Variants in BTD observed in about 807,000 individuals in gnomAD.
The protein encoded by BTD is biotinidase.
A neutral mutation model predicts 17.7 loss-of-function variants in BTD; 13 were observed. That is an observed-to-expected ratio of 0.74 (90% CI 0.48 to 1.17). The LOEUF is 1.17. Ranked by LOEUF, BTD falls within the 50% of genes most tolerant of loss-of-function variation. The pLI is 0.00. For synonymous variants in BTD, 240 were observed against 245.2 expected, an observed-to-expected ratio of 0.98 and a Z score of 0.20; for missense variants, 674 against 650.4, an observed-to-expected ratio of 1.04 and a Z score of -0.39.
At chr3:15,663,213 C>T (rs1401715334) in intron 3 of BTD, among the ~76,000 whole-genome samples, 3 of 152,136 alleles carry the variant, frequency 2.0e-5, no homozygotes, top group African/African-American at 4.8e-5. Context: ...AGGCTGGTCT[C>T]GAACTCCTCA....
chr3:15,640,725 A>C (rs187632158), intron 2 of BTD, among the ~76,000 whole-genome samples: 8 of 152,258 alleles, frequency 5.3e-5, no homozygotes, highest in South Asian at 2.1e-4. Flanking sequence ...GGAAGTCAAG[A>C]TGTAAAACCA....
intron 3 of BTD, among the ~76,000 whole-genome samples, chr3:15,702,471 A>T (rs2070756215): frequency 6.6e-6 from 1 of 152,270 alleles, no homozygotes; most frequent in African/African-American, 2.4e-5. Flanking sequence ...GAAATAAAAT[A>T]TATACACAAA....
chr3:15,603,053 A>G (rs1035484211), intron 1 of BTD, among the ~76,000 whole-genome samples: 1 of 152,100 alleles, frequency 6.6e-6, no homozygotes, highest in African/African-American at 2.4e-5. Context: ...ATCTCATGAG[A>G]CTTACTATCA....
intron 3 of BTD, chr3:15,685,532 T>C: frequency 1.8e-6 from 2 of 1,130,054 alleles, no homozygotes; most frequent in Non-Finnish European, 2.6e-6. Flanking sequence ...TTAAAGACCA[T>C]ACTCTCCATA....
intron 1 of BTD, among the ~76,000 whole-genome samples, chr3:15,605,153 A>C (rs2064408381): frequency 6.6e-6 from 1 of 152,232 alleles, no homozygotes; most frequent in Admixed American, 6.5e-5. Flanking sequence ...CTATGAAGAA[A>C]TACTCAAAAC....
downstream of BTD, among the ~76,000 whole-genome samples, chr3:15,656,200 C>T (rs1370358416): frequency 6.6e-6 from 1 of 152,090 alleles, no homozygotes. Flanking sequence ...GTTTTCAAAC[C>T]TCAACTTTTC....
intron 1 of BTD, among the ~76,000 whole-genome samples, chr3:15,630,317 TACTC>T (rs2065174689): frequency 6.6e-6 from 1 of 152,226 alleles, no homozygotes; most frequent in Non-Finnish European, 1.5e-5. Context: ...GGGTTAATGA[TACTC>T]AGTTTGTCCA....
At chr3:15,702,974 T>C (rs1209693059) in intron 3 of BTD, among the ~76,000 whole-genome samples, 1 of 152,222 alleles carries the variant, frequency 6.6e-6, no homozygotes, top group Non-Finnish European at 1.5e-5. Flanking sequence ...GACTAGTATC[T>C]CCATTTCACA....
chr3:15,677,149 G>T, intron 3 of BTD: 1 of 963,874 alleles, frequency 1.0e-6, no homozygotes, highest in Non-Finnish European at 1.6e-6. Flanking sequence ...CATATATTAT[G>T]TACAACACCA....
chr3:15,633,080 A>G (rs2471806), intron 1 of BTD, among the ~76,000 whole-genome samples: 40,042 of 152,026 alleles, frequency 0.26, 5,439 homozygotes, highest in African/African-American at 0.3. Flanking sequence ...GTACACTTTA[A>G]ATCATCTCTA....
chr3:15,654,256 G>C (rs1180667461), downstream of BTD, among the ~76,000 whole-genome samples: 1 of 152,230 alleles, frequency 6.6e-6, no homozygotes, highest in Non-Finnish European at 1.5e-5. Flanking sequence ...TGGAGTCAGG[G>C]GAGAGGGCAT....
At chr3:15,691,649 G>C (rs957518968) in intron 3 of BTD, among the ~76,000 whole-genome samples, 1 of 152,172 alleles carries the variant, frequency 6.6e-6, no homozygotes, top group Admixed American at 6.5e-5. Context: ...TCTTTATAAT[G>C]AATCTGTGTA....
chr3:15,645,758 A>G lies in BTD; in HGVS notation c.*270A>G. ...CACATCTTCCTCTAACAAATCTCTC[A>G]GTATGCGATTGGTCTCAAGCTAAAA... is the stretch of plus-strand genomic sequence containing the variant. On this transcript the variant is annotated 3_prime_UTR_variant, in exon 4 of 4. Coordinates refer to ENST00000643237, the MANE Select transcript of BTD (RefSeq NM_001370658.1). The G allele has an allele frequency of 2.2e-6, 1 of 446,220 alleles. No homozygotes were observed. 27.6% of individuals were successfully genotyped at this position (446,220 alleles called of 1,614,324 possible). A position where few individuals can be genotyped will look rare whatever the true frequency, so the allele number is the denominator to read the frequency against.
chr3:15,679,372 G>A (rs1192964503), intron 3 of BTD: 5 of 1,613,848 alleles, frequency 3.1e-6, no homozygotes, highest in East Asian at 2.2e-5. Context: ...CAGCACCTTC[G>A]TTGTCATTTA....
At chr3:15,701,603 C>T (rs2070637871) in intron 3 of BTD, among the ~76,000 whole-genome samples, 1 of 151,830 alleles carries the variant, frequency 6.6e-6, no homozygotes, top group African/African-American at 2.4e-5. Flanking sequence ...GAGATTGCAC[C>T]ATTGCACTCC....
downstream of BTD, among the ~76,000 whole-genome samples, chr3:15,654,583 T>C (rs1262697121): frequency 6.6e-6 from 1 of 151,980 alleles, no homozygotes; most frequent in African/African-American, 2.4e-5. Context: ...CATTTTCTAA[T>C]ATAGTCCTGC....
chr3:15,635,358 G>T lies in BTD; in HGVS notation c.-16-66G>T. ...TTGCTGGGATTAATAAATCACAGCT[G>T]CAAACGTTAAATTCTTGGCAGGATT... On this transcript the variant is annotated intron_variant, in intron 1 of 3. Transcript: ENST00000643237. The surrounding 1 kb of genome is among the most constrained non-coding windows in gnomAD (Gnocchi z 4.1). 1 of 1,609,480 alleles carries T rather than the reference G, an allele frequency of 6.2e-7. No individual in the cohort carries two copies.
At chr3:15,610,162 C>T (rs2064573483) in intron 1 of BTD, among the ~76,000 whole-genome samples, 1 of 152,142 alleles carries the variant, frequency 6.6e-6, no homozygotes, top group African/African-American at 2.4e-5. Context: ...CTGGGCTCAC[C>T]CATGTATCTG....
At chr3:15,617,128 C>T (rs553445609) in intron 1 of BTD, among the ~76,000 whole-genome samples, 194 of 152,292 alleles carry the variant, frequency 1.3e-3, no homozygotes, top group African/African-American at 4.2e-3. Flanking sequence ...CCACCATGCC[C>T]GGCCTTTTGC....
Sources: gnomAD v4.1 joint callset for allele counts (sites outside exome capture counted in the v4.1 genomes callset) on GRCh38, gnomAD v4.1.1 for gene constraint, Gnocchi (gnomAD v3.1) non-coding constraint, MANE v1.5 for transcripts, NCBI Gene and HGNC (gene_info 2026-07-23, HGNC 2026-07-21) for gene names.